Variants in COQ7 observed in about 807,000 individuals in gnomAD.
The protein encoded by COQ7 is NADPH-dependent 3-demethoxyubiquinone 3-hydroxylase, mitochondrial.
A neutral mutation model predicts 25.0 loss-of-function variants in COQ7; 21 were observed. That is an observed-to-expected ratio of 0.84 (90% CI 0.60 to 1.21). COQ7 has a LOEUF of 1.21. COQ7 is among the 50% of genes most tolerant of loss of function. The pLI is 0.00. For missense variants in COQ7, 311 were observed against 296.2 expected (o/e 1.05, Z -0.37); for synonymous variants, 125 against 112.4 (o/e 1.11, Z -0.71).
At chr16:19,068,441 C>G in intron 1 of COQ7, 1 of 976,770 alleles carries the variant, frequency 1.0e-6, no homozygotes, top group Non-Finnish European at 1.2e-6. Flanking sequence ...CCCCTGAGGT[C>G]AGGAGTTTGA....
At chr16:19,076,595 T>A (rs1204480316) in intron 4 of COQ7, among the ~76,000 whole-genome samples, 2 of 133,806 alleles carry the variant, frequency 1.5e-5, no homozygotes, top group Admixed American at 1.5e-4. Context: ...CTTTTTTTTT[T>A]TTTTTTTTTT....
chr16:19,075,639 T>A, intron 3 of COQ7, 82 bp from the exon 4 acceptor site: 2 of 1,462,756 alleles, frequency 1.4e-6, no homozygotes, highest in Non-Finnish European at 1.8e-6. Context: ...GGTGCAGAGG[T>A]TAAGAAGCCC....
downstream of COQ7, chr16:19,080,110 C>A (rs1456833957): frequency 6.6e-6 from 1 of 152,242 alleles, no homozygotes; most frequent in East Asian, 1.9e-4. Context: ...CTGATCTGCT[C>A]TTTAACAAGA....
chr16:19,082,154 T>C (rs994169035), downstream of COQ7, among the ~76,000 whole-genome samples: 1 of 152,202 alleles, frequency 6.6e-6, no homozygotes, highest in African/African-American at 2.4e-5. Flanking sequence ...AAGGCAATCT[T>C]ACTCAGCTAT....
intron 5 of COQ7, among the ~76,000 whole-genome samples, chr16:19,077,590 C>CTTTGTTTTTTTTTTTTTTTTTTTT (rs1962918845): frequency 1.3e-5 from 1 of 74,378 alleles, no homozygotes; most frequent in Admixed American, 2.2e-4. Context: ...TCCCCAGAAG[C>CTTTGTTTTTTTTTTTTTTTTTTTT]TTTTTTTTTT....
At chr16:19,071,368 T>G (rs568507558) in intron 1 of COQ7, among the ~76,000 whole-genome samples, 33 of 152,360 alleles carry the variant, frequency 2.2e-4, no homozygotes, top group African/African-American at 7.9e-4. Context: ...ACTCCTGACC[T>G]CAGGTGATCC....
chr16:19,074,998 A>G (rs1567541637), intron 3 of COQ7, among the ~76,000 whole-genome samples: 1 of 152,190 alleles, frequency 6.6e-6, no homozygotes, highest in Non-Finnish European at 1.5e-5. Context: ...AATAAATGGT[A>G]TAAAAGATCA....
At chr16:19,074,922 C>A (rs1191864257) in intron 3 of COQ7, among the ~76,000 whole-genome samples, 1 of 152,116 alleles carries the variant, frequency 6.6e-6, no homozygotes, top group Non-Finnish European at 1.5e-5. Context: ...CAGTTGCAGC[C>A]AAATACTGTT....
intron 3 of COQ7, 40 bp downstream of exon 3, chr16:19,074,075 T>A: frequency 7.0e-7 from 1 of 1,438,724 alleles, no homozygotes. Context: ...AGCTTGGGGA[T>A]CTAGGATGAT....
At chr16:19,083,028 C>T (rs72779504), downstream of COQ7, among the ~76,000 whole-genome samples, 20,672 of 151,990 alleles carry the variant, frequency 0.14, 1,508 homozygotes, top group South Asian at 0.19. Context: ...GTTCTAGAAT[C>T]GGTGATAGTT....
chr16:19,069,556 A>G (rs902086411), intron 1 of COQ7, among the ~76,000 whole-genome samples: 2 of 151,748 alleles, frequency 1.3e-5, no homozygotes, highest in Non-Finnish European at 2.9e-5. Flanking sequence ...GGCTGCATGC[A>G]TGCACCACCA....
At chr16:19,070,043 C>T (rs1017987950) in intron 1 of COQ7, among the ~76,000 whole-genome samples, 2 of 152,152 alleles carry the variant, frequency 1.3e-5, no homozygotes, top group African/African-American at 4.8e-5. Flanking sequence ...CTCAGCTTCC[C>T]AAAGTGCTGG....
chr16:19,079,008 ACT>A lies in COQ7; in HGVS notation c.*854_*855del, dbSNP rs1596838328. ...CTAGAATTCATACGATGAAATCTTC[ACT>A]CTCAAGTTGATAGAAGGTGGGGCCC... On this transcript the variant is annotated 3_prime_UTR_variant, in exon 6 of 6. Transcript: ENST00000321998. 6.6e-6 allele frequency: 1 copy of A among 152,000 alleles called. No individual in the cohort carries two copies. The highest frequency in any genetic ancestry group is 2.4e-5 in the African/African-American group (1 of 41,348). The allele number at this position is 152,000 out of a possible 1,614,324, so 9.4% of individuals were successfully genotyped here.
At chr16:19,081,953 G>A (rs954839447), downstream of COQ7, among the ~76,000 whole-genome samples, 3 of 152,064 alleles carry the variant, frequency 2.0e-5, no homozygotes, top group Admixed American at 6.6e-5. Flanking sequence ...TAGAGGAGGC[G>A]GAGGTTGCCG....
chr16:19,067,882 C>A lies in COQ7; in HGVS notation c.73+145C>A. 4 of 1,495,222 alleles carry A rather than the reference C, an allele frequency of 2.7e-6. No individual in the cohort carries two copies. In the South Asian group the frequency reaches 5.3e-5, roughly 20 times the overall value. The allele number at this position is 1,495,222 out of a possible 1,614,324, so 92.6% of individuals were successfully genotyped here. A position where few individuals can be genotyped will look rare whatever the true frequency, so the allele number is the denominator to read the frequency against. The stretch of plus-strand genomic sequence containing the variant: ...GAGCGCGACTGCGTGACTTCGGCCT[C>A]CGGGGCGCTGGCGGGCGGGGCGGGG... On this transcript the variant is annotated intron_variant, in intron 1 of 5. Transcript: ENST00000321998.
At chr16:19,082,086 A>G (rs765552792), downstream of COQ7, among the ~76,000 whole-genome samples, 1 of 152,218 alleles carries the variant, frequency 6.6e-6, no homozygotes, top group Non-Finnish European at 1.5e-5. Context: ...CATAATAACT[A>G]AAAGTGGAAA....
Position 19,079,438 on chromosome 16 carries a change from T to G in COQ7, c.*1280T>G, listed in dbSNP as rs1227863537. On this transcript the variant is annotated 3_prime_UTR_variant, in exon 6 of 6. Coordinates refer to ENST00000321998, the MANE Select transcript of COQ7 (RefSeq NM_016138.5). ...CCCCCAAAACTGATTCAGATTTTCA[T>G]ACTTTAATGAAATATTTTATAATTT... 1 of 152,020 alleles carries G rather than the reference T, an allele frequency of 6.6e-6. No homozygotes were observed. Among genetic ancestry groups the G allele is most frequent in the Non-Finnish European group, 1.5e-5 (1 of 68,008 alleles). 9.4% of individuals were successfully genotyped at this position (152,020 alleles called of 1,614,324 possible). A position where few individuals can be genotyped will look rare whatever the true frequency, so the allele number is the denominator to read the frequency against.
At chr16:19,068,731 G>A (rs1962383567) in intron 1 of COQ7, 1 of 272,206 alleles carries the variant, frequency 3.7e-6, no homozygotes, top group South Asian at 3.0e-5. Context: ...CCACTTTCGG[G>A]ATTTTTGCCT....
At chr16:19,068,923 A>C (rs1489529008) in intron 1 of COQ7, 3 of 442,910 alleles carry the variant, frequency 6.8e-6, no homozygotes, top group Non-Finnish European at 1.3e-5. Flanking sequence ...AAAGTTATGA[A>C]ATTGTATTAA....
Sources: allele counts gnomAD v4.1 joint callset (sites outside exome capture counted in the v4.1 genomes callset), GRCh38; gene constraint gnomAD v4.1.1; transcripts MANE v1.5; gene names NCBI Gene and HGNC (gene_info 2026-07-23, HGNC 2026-07-21).